Variants in GFPT2 observed in about 807,000 individuals in gnomAD.
GFPT2 encodes the protein glutamine--fructose-6-phosphate aminotransferase [isomerizing] 2.
In GFPT2, 62 loss-of-function variants were observed where a neutral mutation model predicts 85.6. That is an observed-to-expected ratio of 0.72 (90% CI 0.59 to 0.90). The LOEUF (loss-of-function observed/expected upper bound fraction) is 0.90, where lower values mean the gene tolerates loss of function less well. Among genes scored for constraint, GFPT2 ranks in the 40% least tolerant of loss-of-function variants. The pLI is 0.00. For missense variants in GFPT2, 788 were observed against 893.4 expected, an observed-to-expected ratio of 0.88 and a Z score of 1.50; for synonymous variants, 368 against 344.5, an observed-to-expected ratio of 1.07 and a Z score of -0.75.
chr5:180,353,319 G>GCTC lies in GFPT2; in HGVS notation c.-105_-103dup, dbSNP rs1561887381. The GCTC allele has an allele frequency of 1.1e-6, 1 of 884,974 alleles. No homozygotes were observed. The highest frequency in any genetic ancestry group is 1.5e-6 in the Non-Finnish European group (1 of 682,662). 54.8% of individuals were successfully genotyped at this position (884,974 alleles called of 1,614,324 possible). A position where few individuals can be genotyped will look rare whatever the true frequency, so the allele number is the denominator to read the frequency against. ...TCCGTGGGCTCCGTGGGCTCCGTGGGCTCCGCGGGCTCCAGCTCCCGTCCG... is the reference window on the plus strand; with the variant it reads ...TCCGTGGGCTCCGTGGGCTCCGTGGGCTCCTCCGCGGGCTCCAGCTCCCGTCCG... On this transcript the variant is annotated 5_prime_UTR_variant, in exon 1 of 19. Transcript: ENST00000253778.
chr5:180,307,380 G>GTA (rs1318296488), intron 15 of GFPT2, 77 bp from the exon 16 acceptor site: 1 of 1,435,590 alleles, frequency 7.0e-7, no homozygotes, highest in Non-Finnish European at 9.8e-7. Flanking sequence ...CAAATGCTGG[G>GTA]GTTTAAGAGG....
In GFPT2 at chr5:180,340,452, C is replaced by T. The variant is rs538721721; in HGVS notation, c.8-1852G>A. On this transcript the variant is annotated intron_variant, in intron 1 of 18. Transcript: ENST00000253778. ...AACTCCCGACCTCAGGTCATCCGCC[C>T]GCCTCGGCTTCCCAAAGTGCTGGGA... is the stretch of plus-strand genomic sequence containing the variant. Among the ~76,000 whole-genome samples, 33 of 151,548 alleles carry T rather than the reference C, an allele frequency of 2.2e-4. No individual in the cohort carries two copies. In the South Asian group the frequency reaches 3.8e-3, roughly 17 times the overall value.
In GFPT2 at chr5:180,320,917, GAGAA is replaced by G. The variant is rs569921189; in HGVS notation, c.795-1965_795-1962del. Among the ~76,000 whole-genome samples the G allele has an allele frequency of 1.2e-4, 18 of 152,308 alleles. No individual in the cohort carries two copies. The South Asian group carries it at 3.5e-3, about 30-fold the overall frequency. On this transcript the variant is annotated intron_variant, in intron 9 of 18. Coordinates refer to ENST00000253778, the MANE Select transcript of GFPT2 (RefSeq NM_005110.4). ...ATCCAGCCAGATCCTAGGGAAGAAAGAGAAAGAAAGATGGCAAGCCACTGTACTG... is the reference window on the plus strand; with the variant it reads ...ATCCAGCCAGATCCTAGGGAAGAAAGAGAAAGATGGCAAGCCACTGTACTG...
At chr5:180,304,270 C>T (rs1027946395) in intron 17 of GFPT2, among the ~76,000 whole-genome samples, 3 of 152,154 alleles carry the variant, frequency 2.0e-5, no homozygotes, top group African/African-American at 7.2e-5. Flanking sequence ...TTCTATGGGT[C>T]GTTCTAGAAA....
intron 12 of GFPT2, 75 bp downstream of exon 12, chr5:180,316,687 CAT>C (rs1268609131): frequency 6.7e-5 from 72 of 1,081,346 alleles, no homozygotes; most frequent in Middle Eastern, 2.5e-4. Flanking sequence ...CAGAAGGCCA[CAT>C]GAGTGATAAA....
intron 15 of GFPT2, among the ~76,000 whole-genome samples, chr5:180,309,322 T>A (rs893407976): frequency 3.9e-5 from 6 of 152,212 alleles, no homozygotes; most frequent in Admixed American, 6.5e-5. Flanking sequence ...TGATTTTTCA[T>A]TTTGAGAAAA....
intron 1 of GFPT2, among the ~76,000 whole-genome samples, chr5:180,349,226 G>T (rs1764665142): frequency 6.6e-6 from 1 of 152,010 alleles, no homozygotes; most frequent in Admixed American, 6.5e-5. Flanking sequence ...AGGATGGCTT[G>T]AGCCCAGGAG....
chr5:180,338,484 C>G lies in GFPT2; in HGVS notation c.115+9G>C, dbSNP rs1306268654. The G allele has an allele frequency of 4.6e-6, 7 of 1,530,308 alleles. No homozygotes were observed. The allele number at this position is 1,530,308 out of a possible 1,614,324, so 94.8% of individuals were successfully genotyped here. On this transcript the variant is annotated intron_variant, in intron 2 of 18. Transcript: ENST00000253778. ...TCCCCAGCCACGAGGCGGGCGGCCG[C>G]ACACCCACCTGCCGAGTCGTAGCCT...
rs748832217 is a variant in GFPT2 at position 180,301,600 on chromosome 5, G to C, written c.2013C>G (p.Phe671Leu). The C allele has an allele frequency of 3.7e-6, 6 of 1,613,378 alleles. No homozygotes were observed. In the South Asian group the frequency reaches 5.5e-5, roughly 15 times the overall value. ...LAVLRGYDVDFPRNLAKSVTV... is the reference protein window; with the variant it reads ...LAVLRGYDVDLPRNLAKSVTV... ...TTACAGACTTGGCCAGATTTCTGGG[G>C]AAGTCAACCTAAAATGAAAGAAAGT... The change falls in exon 19 of 19, where the codon TTC becomes TTG. Residue 671 changes from phenylalanine (F) to leucine (L), a missense_variant. Phe to Leu is a conservative substitution (Grantham distance 22). Coordinates refer to ENST00000253778, the MANE Select transcript of GFPT2 (RefSeq NM_005110.4).
rs574048245 is a variant in GFPT2 at position 180,328,034 on chromosome 5, T to C, written c.596+243A>G. Among the ~76,000 whole-genome samples the C allele has an allele frequency of 1.3e-5, 2 of 152,186 alleles. No homozygotes were observed. Among genetic ancestry groups the C allele is most frequent in the African/African-American group, 2.4e-5 (1 of 41,530 alleles). The stretch of plus-strand genomic sequence containing the variant: ...AATTTGTTGCCCACCTCTAAAAATC[T>C]GTGGAGATTTCAAACACAAATCCAA... On this transcript the variant is annotated intron_variant, in intron 7 of 18. Transcript: ENST00000253778. The surrounding 1 kb of genome is among the most constrained non-coding windows in gnomAD (Gnocchi z 5.4).
Position 180,301,492 on chromosome 5 carries a change from G to T in GFPT2, c.*72C>A. 1 of 1,256,916 alleles carries T rather than the reference G, an allele frequency of 8.0e-7. No homozygotes were observed. The highest frequency in any genetic ancestry group is 1.2e-6 in the Non-Finnish European group (1 of 853,900). 77.9% of individuals were successfully genotyped at this position (1,256,916 alleles called of 1,614,324 possible). Reference sequence around the variant, plus strand: ...GTGGGATGTCCACTTCTCTTCCCATGTAGCATCCCTGCTGTTGGGACAGGT... The same window carrying T: ...GTGGGATGTCCACTTCTCTTCCCATTTAGCATCCCTGCTGTTGGGACAGGT... On this transcript the variant is annotated 3_prime_UTR_variant, in exon 19 of 19. Coordinates refer to ENST00000253778, the MANE Select transcript of GFPT2 (RefSeq NM_005110.4).
At chr5:180,325,268 C>A (rs1444358774) in intron 7 of GFPT2, among the ~76,000 whole-genome samples, 2 of 152,178 alleles carry the variant, frequency 1.3e-5, no homozygotes, top group African/African-American at 4.8e-5. Context: ...TAGGTCTCCA[C>A]CCAGCCTCGA....
At chr5:180,352,675 C>T in intron 1 of GFPT2, 1 of 437,540 alleles carries the variant, frequency 2.3e-6, no homozygotes, top group Non-Finnish European at 4.5e-6. Flanking sequence ...GCGAGGAGGA[C>T]GCGCAGGCCC....
Position 180,301,545 on chromosome 5 carries a change from T to C in GFPT2, c.*19A>G. The C allele has an allele frequency of 6.2e-7, 1 of 1,602,968 alleles. No individual in the cohort carries two copies. Among genetic ancestry groups the C allele is most frequent in the African/African-American group, 1.3e-5 (1 of 74,832 alleles). ...GGAATCAGATGAAAGGTGGTGATGG[T>C]CTTGTCACGGTCTCAGCCTCATTCC... On this transcript the variant is annotated 3_prime_UTR_variant, in exon 19 of 19. Coordinates refer to ENST00000253778, the MANE Select transcript of GFPT2 (RefSeq NM_005110.4).
In GFPT2 at chr5:180,335,709, A is replaced by C; in HGVS notation, c.340+119T>G. On this transcript the variant is annotated intron_variant, in intron 4 of 18. Coordinates refer to ENST00000253778, the MANE Select transcript of GFPT2 (RefSeq NM_005110.4). Reference sequence around the variant, plus strand: ...AGGGGACATCCGCATTCTCTTGGGAAGATGAAGTAGGCTGAGAAGTCAGTT... The same window carrying C: ...AGGGGACATCCGCATTCTCTTGGGACGATGAAGTAGGCTGAGAAGTCAGTT... 2.9e-6 allele frequency: 3 copies of C among 1,051,398 alleles called. No homozygotes were observed. In the South Asian group the frequency reaches 4.6e-5, roughly 16 times the overall value. 65.1% of individuals were successfully genotyped at this position (1,051,398 alleles called of 1,614,324 possible). A position where few individuals can be genotyped will look rare whatever the true frequency, so the allele number is the denominator to read the frequency against.
At position 180,301,489 on chromosome 5, in the gene GFPT2, C is replaced by T; in HGVS notation, c.*75G>A. On this transcript the variant is annotated 3_prime_UTR_variant, in exon 19 of 19. Coordinates refer to ENST00000253778, the MANE Select transcript of GFPT2 (RefSeq NM_005110.4). ...CATGTGGGATGTCCACTTCTCTTCC[C>T]ATGTAGCATCCCTGCTGTTGGGACA... is the stretch of plus-strand genomic sequence containing the variant. 8.1e-7 allele frequency: 1 copy of T among 1,235,602 alleles called. No individual in the cohort carries two copies. Among genetic ancestry groups the T allele is most frequent in the Non-Finnish European group, 1.2e-6 (1 of 834,700 alleles). 76.5% of individuals were successfully genotyped at this position (1,235,602 alleles called of 1,614,324 possible). A position where few individuals can be genotyped will look rare whatever the true frequency, so the allele number is the denominator to read the frequency against.
intron 4 of GFPT2, among the ~76,000 whole-genome samples, chr5:180,332,035 TTC>T (rs1304476636): frequency 1.3e-5 from 2 of 152,228 alleles, no homozygotes; most frequent in Non-Finnish European, 2.9e-5. Flanking sequence ...GTTTTTAAAA[TTC>T]TGAGTGTTCA....
intron 1 of GFPT2, chr5:180,352,845 TG>T (rs1430404122): frequency 1.6e-5 from 6 of 369,096 alleles, no homozygotes; most frequent in Admixed American, 5.2e-5. Flanking sequence ...TGTGGGCGAC[TG>T]GGAGACGTGG....
rs546902294 is a variant in GFPT2 at position 180,344,921 on chromosome 5, C to T, written c.8-6321G>A. Among the ~76,000 whole-genome samples the T allele has an allele frequency of 2.6e-5, 4 of 152,360 alleles. No individual in the cohort carries two copies. The East Asian group carries it at 5.8e-4, about 22-fold the overall frequency. On this transcript the variant is annotated intron_variant, in intron 1 of 18. Transcript: ENST00000253778. Reference sequence around the variant, plus strand: ...CAGCCTTAAAAACACCAGCCCAGGGCCACCCGCCTGGGTTGGCTTCCTCCC... The same window carrying T: ...CAGCCTTAAAAACACCAGCCCAGGGTCACCCGCCTGGGTTGGCTTCCTCCC...
Sources: gnomAD v4.1 joint callset for allele counts (sites outside exome capture counted in the v4.1 genomes callset) on GRCh38, gnomAD v4.1.1 for gene constraint, Gnocchi (gnomAD v3.1) non-coding constraint, MANE v1.5 for transcripts, NCBI Gene and HGNC (gene_info 2026-07-23, HGNC 2026-07-21) for gene names.